Variants in ITPRID1 observed in about 807,000 individuals in gnomAD.
ITPRID1 encodes protein ITPRID1.
In ITPRID1, 96 loss-of-function variants were observed where a neutral mutation model predicts 95.4. The observed-to-expected ratio is 1.01, with a 90% CI of 0.85 to 1.19. The LOEUF is 1.19. Among genes scored for constraint, ITPRID1 ranks in the 50% most tolerant of loss-of-function variants. The pLI is 0.00. For synonymous variants in ITPRID1, 510 were observed against 453.6 expected (o/e 1.12, Z -1.58); for missense variants, 1,339 against 1,252.9 (o/e 1.07, Z -1.04).
intron 9 of ITPRID1, among the ~76,000 whole-genome samples, chr7:31,579,947 AAAACTT>A (rs1785335164): frequency 6.6e-6 from 1 of 152,202 alleles, no homozygotes; most frequent in Non-Finnish European, 1.5e-5. Flanking sequence ...GGATTTTTAA[AAAACTT>A]AATCTTGCAA....
intron 9 of ITPRID1, among the ~76,000 whole-genome samples, chr7:31,582,569 C>G (rs944781073): frequency 6.6e-6 from 1 of 151,994 alleles, no homozygotes; most frequent in African/African-American, 2.4e-5. Context: ...TTACCTTCTT[C>G]TTCTATGTAT....
At chr7:31,569,649 A>G (rs752308592) in intron 5 of ITPRID1, 109 bp from the exon 6 acceptor site, 14 of 880,228 alleles carry the variant, frequency 1.6e-5, no homozygotes, top group Non-Finnish European at 2.5e-5. Context: ...ATGCCTATAT[A>G]ACCTTGGATA....
chr7:31,517,206 C>T (rs914534955), intron 1 of ITPRID1, among the ~76,000 whole-genome samples: 2 of 152,126 alleles, frequency 1.3e-5, no homozygotes, highest in African/African-American at 4.8e-5. Flanking sequence ...GTCCATTTTG[C>T]AGAGAGCTGA....
chr7:31,544,098 A>G (rs1195270543), intron 1 of ITPRID1, among the ~76,000 whole-genome samples: 4 of 151,830 alleles, frequency 2.6e-5, no homozygotes, highest in African/African-American at 9.7e-5. Flanking sequence ...CTATTGTTCT[A>G]TTTTATTTTC....
chr7:31,537,086 G>A (rs1200855586), intron 1 of ITPRID1, among the ~76,000 whole-genome samples: 1 of 129,558 alleles, frequency 7.7e-6, no homozygotes, highest in Non-Finnish European at 1.6e-5. Flanking sequence ...TGCCTAGAAG[G>A]TGTGTGTGTT....
At chr7:31,584,044 TA>T (rs1012708207) in intron 10 of ITPRID1, among the ~76,000 whole-genome samples, 2 of 152,220 alleles carry the variant, frequency 1.3e-5, no homozygotes, top group African/African-American at 4.8e-5. Context: ...TTTATCATCC[TA>T]AATAACAGAG....
Position 31,642,972 on chromosome 7 carries a change from A to G in ITPRID1, c.1602A>G (p.Pro534=), listed in dbSNP as rs915632053. 4 of 1,614,058 alleles carry G rather than the reference A, an allele frequency of 2.5e-6. No individual in the cohort carries two copies. Among genetic ancestry groups the G allele is most frequent in the Non-Finnish European group, 2.5e-6 (3 of 1,179,902 alleles). Residue 534 remains proline (P), a synonymous_variant, in exon 12 of 15, where the codon CCA becomes CCG. Coordinates refer to ENST00000615280, the MANE Select transcript of ITPRID1 (RefSeq NM_001257967.3). ...AGACCACCACGAGGGGAGAATGCCCAAGGAAAGACAGCCATCTGTGGCAGC... is the reference window on the plus strand; with the variant it reads ...AGACCACCACGAGGGGAGAATGCCCGAGGAAAGACAGCCATCTGTGGCAGC... The part of the protein sequence containing the change: ...CAKTTTRGEC[P]RKDSHLWQLL...
chr7:31,561,425 T>C (rs1784620110), intron 5 of ITPRID1, among the ~76,000 whole-genome samples: 1 of 149,628 alleles, frequency 6.7e-6, no homozygotes, highest in Admixed American at 6.7e-5. Context: ...CTTCTCCACT[T>C]GGGGTATTGA....
At position 31,585,453 on chromosome 7, in the gene ITPRID1, GC is replaced by G. The variant is rs1345432577; in HGVS notation, c.1228+2263del. ...CCAAAAGTAAAATGCCACTTAAATGGCAAGGGAATATAAGGAAAAAAAGGAA... is the reference window on the plus strand; with the variant it reads ...CCAAAAGTAAAATGCCACTTAAATGGAAGGGAATATAAGGAAAAAAAGGAA... On this transcript the variant is annotated intron_variant, in intron 10 of 14. Coordinates refer to ENST00000615280, the MANE Select transcript of ITPRID1 (RefSeq NM_001257967.3). Among the ~76,000 whole-genome samples the G allele has an allele frequency of 2.0e-5, 3 of 152,152 alleles. No individual in the cohort carries two copies. The East Asian group carries it at 5.8e-4, about 29-fold the overall frequency.
At chr7:31,622,897 G>C (rs895302928) in intron 10 of ITPRID1, among the ~76,000 whole-genome samples, 1 of 152,030 alleles carries the variant, frequency 6.6e-6, no homozygotes, top group African/African-American at 2.4e-5. Flanking sequence ...GACTCAAATA[G>C]ACACAATAAA....
intron 10 of ITPRID1, among the ~76,000 whole-genome samples, chr7:31,616,840 AG>A (rs1281778937): frequency 6.6e-6 from 1 of 151,556 alleles, no homozygotes; most frequent in Admixed American, 6.6e-5. Flanking sequence ...AACAATTATC[AG>A]ATATCCAAAC....
chr7:31,559,246 A>G (rs763828117), intron 5 of ITPRID1, among the ~76,000 whole-genome samples: 3 of 152,212 alleles, frequency 2.0e-5, no homozygotes, highest in Non-Finnish European at 4.4e-5. Flanking sequence ...GTATCACCAC[A>G]TAGACAAGTC....
chr7:31,552,922 C>T, intron 2 of ITPRID1, 80 bp from the exon 3 acceptor site: 1 of 1,383,650 alleles, frequency 7.2e-7, no homozygotes, highest in Non-Finnish European at 9.7e-7. Context: ...GGCATTCTGG[C>T]CTTCTTTCTC....
chr7:31,623,301 A>T lies in ITPRID1; in HGVS notation c.1229-18875A>T, dbSNP rs568181569. Among the ~76,000 whole-genome samples, 645 of 152,196 alleles carry T rather than the reference A, an allele frequency of 4.2e-3. 8 individuals are homozygous for T. The highest frequency in any genetic ancestry group is 0.015 in the African/African-American group (626 of 41,530). Reference sequence around the variant, plus strand: ...CCAAAGCCGGGCAGAGACACAACCAAAAAAGAGAATTTTAGACCAATATCC... The same window carrying T: ...CCAAAGCCGGGCAGAGACACAACCATAAAAGAGAATTTTAGACCAATATCC... On this transcript the variant is annotated intron_variant, in intron 10 of 14. Coordinates refer to ENST00000615280, the MANE Select transcript of ITPRID1 (RefSeq NM_001257967.3).
intron 5 of ITPRID1, among the ~76,000 whole-genome samples, chr7:31,564,770 G>T (rs1784739192): frequency 6.6e-6 from 1 of 152,162 alleles, no homozygotes; most frequent in Non-Finnish European, 1.5e-5. Flanking sequence ...AATGATAGAA[G>T]CAAGTGGGAT....
chr7:31,529,795 C>G (rs1271358961), intron 1 of ITPRID1: 6 of 1,535,254 alleles, frequency 3.9e-6, no homozygotes, highest in Middle Eastern at 1.7e-4. Flanking sequence ...GTTGCAAGAC[C>G]ATTTCTCTGC....
At chr7:31,592,746 A>G (rs764206462) in intron 10 of ITPRID1, among the ~76,000 whole-genome samples, 5 of 152,184 alleles carry the variant, frequency 3.3e-5, no homozygotes, top group Non-Finnish European at 5.9e-5. Context: ...CTCCTAGTGT[A>G]TGGCCCACTG....
At chr7:31,623,986 CAGAG>C (rs1383751422) in intron 10 of ITPRID1, among the ~76,000 whole-genome samples, 13 of 149,388 alleles carry the variant, frequency 8.7e-5, no homozygotes, top group Non-Finnish European at 1.6e-4. Flanking sequence ...AACAGACAAA[CAGAG>C]AGCCAAATCA....
chr7:31,540,698 A>T (rs1040430731), intron 1 of ITPRID1, among the ~76,000 whole-genome samples: 2 of 152,208 alleles, frequency 1.3e-5, no homozygotes, highest in Admixed American at 1.3e-4. Context: ...CTGAGATAAG[A>T]CCTTTTTAAA....
Sources: allele counts gnomAD v4.1 joint callset (sites outside exome capture counted in the v4.1 genomes callset), GRCh38; gene constraint gnomAD v4.1.1; transcripts MANE v1.5; gene names NCBI Gene and HGNC (gene_info 2026-07-23, HGNC 2026-07-21).